CLDN10: variants seen among roughly 807,000 people sequenced by gnomAD.
CLDN10 encodes the protein claudin 10, also known as claudin-10.
In CLDN10, 15 loss-of-function variants were observed where a neutral mutation model predicts 22.9. The ratio of observed to expected loss-of-function variants is 0.65; its 90% CI spans 0.44 to 1.01. The LOEUF is 1.01. CLDN10 is among the 50% of genes least tolerant of loss of function. The pLI is 0.00. For missense variants in CLDN10, 247 were observed against 287.8 expected (o/e 0.86, Z 1.03); for synonymous variants, 114 against 111.4 (o/e 1.02, Z -0.15).
exon 1 of CLDN10, chr13:95,434,034 C>A: frequency 6.2e-7 from 1 of 1,613,940 alleles, no homozygotes; most frequent in Non-Finnish European, 8.5e-7. Context: ...ATTTTACTAT[C>A]TTCAAAGTAG....
chr13:95,445,736 A>C (rs2042369393), intron 1 of CLDN10, among the ~76,000 whole-genome samples: 1 of 152,210 alleles, frequency 6.6e-6, no homozygotes, highest in African/African-American at 2.4e-5. Context: ...GAGACAGATT[A>C]GTTTGACCGA....
At chr13:95,471,201 C>T (rs532732508) in intron 1 of CLDN10, among the ~76,000 whole-genome samples, 2 of 151,896 alleles carry the variant, frequency 1.3e-5, no homozygotes, top group African/African-American at 4.8e-5. Flanking sequence ...AACGGGAGTT[C>T]AGGGAATTCA....
intron 1 of CLDN10, among the ~76,000 whole-genome samples, chr13:95,523,466 C>T (rs1222246167): frequency 6.6e-6 from 1 of 152,146 alleles, no homozygotes; most frequent in Non-Finnish European, 1.5e-5. Context: ...GTCCTTCCTG[C>T]CTCTTCAATT....
intron 1 of CLDN10, among the ~76,000 whole-genome samples, chr13:95,518,186 G>T (rs574545459): frequency 6.6e-6 from 1 of 152,184 alleles, no homozygotes; most frequent in African/African-American, 2.4e-5. Context: ...GAGTGAATGC[G>T]TGTAAAGTGA....
intron 1 of CLDN10, among the ~76,000 whole-genome samples, chr13:95,479,093 G>C (rs918968732): frequency 6.6e-6 from 1 of 152,364 alleles, no homozygotes; most frequent in East Asian, 1.9e-4. Flanking sequence ...GCTCATGCCT[G>C]TAATCCCAGC....
At chr13:95,549,013 A>G (rs1314910857), upstream of CLDN10, among the ~76,000 whole-genome samples, 1 of 152,184 alleles carries the variant, frequency 6.6e-6, no homozygotes, top group Non-Finnish European at 1.5e-5. Context: ...GGGATCCTCT[A>G]TTTCTCTTTA....
At chr13:95,492,441 G>T (rs2042883211) in intron 1 of CLDN10, among the ~76,000 whole-genome samples, 1 of 152,066 alleles carries the variant, frequency 6.6e-6, no homozygotes, top group Non-Finnish European at 1.5e-5. Flanking sequence ...TGTCAGGGAA[G>T]TTGGGGAAGG....
intron 1 of CLDN10, among the ~76,000 whole-genome samples, chr13:95,535,613 G>A (rs2043392141): frequency 6.6e-6 from 1 of 151,848 alleles, no homozygotes; most frequent in Non-Finnish European, 1.5e-5. Context: ...CATAATTGAG[G>A]TCTCCATACC....
At chr13:95,575,197 G>T (rs1001730164) in intron 3 of CLDN10, among the ~76,000 whole-genome samples, 4 of 152,082 alleles carry the variant, frequency 2.6e-5, no homozygotes, top group Admixed American at 2.0e-4. Flanking sequence ...AGCCTAACCT[G>T]TACTGGGAAA....
intron 1 of CLDN10, among the ~76,000 whole-genome samples, chr13:95,448,707 C>T (rs2139074924): frequency 9.4e-6 from 1 of 106,466 alleles, no homozygotes; most frequent in South Asian, 3.2e-4. Flanking sequence ...CATCTTTGTC[C>T]ACTAAGCCAT....
At chr13:95,451,682 C>T in intron 1 of CLDN10, among the ~76,000 whole-genome samples, 1 of 152,198 alleles carries the variant, frequency 6.6e-6, no homozygotes, top group East Asian at 1.9e-4. Context: ...CATTATAAGC[C>T]TTATGAAGAC....
rs764692387 is a variant in CLDN10 at position 95,578,937 on chromosome 13, C to T, written c.*923C>T. 6.6e-5 allele frequency: 10 copies of T among 152,142 alleles called. No homozygotes were observed. Among genetic ancestry groups the T allele is most frequent in the East Asian group, 1.9e-4 (1 of 5,196 alleles). The allele number at this position is 152,142 out of a possible 1,614,324, so 9.4% of individuals were successfully genotyped here. On this transcript the variant is annotated 3_prime_UTR_variant, in exon 5 of 5. Transcript: ENST00000299339. ...TTAAGGGGCTGAGGCGTCCCTGGCA[C>T]GGAATGCAGAGCCCTGAGCTAGGGC... is the stretch of plus-strand genomic sequence containing the variant.
At chr13:95,437,212 T>G (rs913178846) in intron 1 of CLDN10, among the ~76,000 whole-genome samples, 3 of 152,194 alleles carry the variant, frequency 2.0e-5, no homozygotes, top group African/African-American at 7.2e-5. Flanking sequence ...CAAACACCTC[T>G]TTGGGTGAGC....
intron 3 of CLDN10, among the ~76,000 whole-genome samples, chr13:95,571,934 A>C (rs999731891): frequency 1.3e-4 from 20 of 152,214 alleles, no homozygotes; most frequent in Non-Finnish European, 2.4e-4. Context: ...ATGTTTGAAA[A>C]AGACACAATA....
At chr13:95,562,632 G>C (rs2043730408) in intron 3 of CLDN10, among the ~76,000 whole-genome samples, 1 of 152,106 alleles carries the variant, frequency 6.6e-6, no homozygotes, top group South Asian at 2.1e-4. Flanking sequence ...ATATTTAAAA[G>C]AAATATTGTA....
chr13:95,439,351 A>T (rs9584305), intron 1 of CLDN10, among the ~76,000 whole-genome samples: 75,825 of 147,928 alleles, frequency 0.51, 19,536 homozygotes, highest in African/African-American at 0.59. Context: ...TGTTATTATT[A>T]TTTTTTTTTT....
intron 1 of CLDN10, among the ~76,000 whole-genome samples, chr13:95,546,626 C>T (rs555410835): frequency 1.3e-5 from 2 of 152,300 alleles, no homozygotes; most frequent in South Asian, 2.1e-4. Flanking sequence ...ATGTGAGCCA[C>T]GTGGTAACTT....
chr13:95,433,832 A>G (rs773857197), exon 1 of CLDN10: 115 of 1,613,782 alleles, frequency 7.1e-5, no homozygotes, highest in Non-Finnish European at 9.2e-5. Context: ...AGGCGGCGCG[A>G]CATGTCCAGG....
intron 1 of CLDN10, among the ~76,000 whole-genome samples, chr13:95,439,616 G>A (rs1025351274): frequency 6.6e-6 from 1 of 152,032 alleles, no homozygotes; most frequent in Non-Finnish European, 1.5e-5. Context: ...TTACACGCAT[G>A]AGCCACCATG....
Sources: allele counts gnomAD v4.1 joint callset (sites outside exome capture counted in the v4.1 genomes callset), GRCh38; gene constraint gnomAD v4.1.1; transcripts MANE v1.5; gene names NCBI Gene and HGNC (gene_info 2026-07-23, HGNC 2026-07-21).